MRPL48: variants seen among roughly 807,000 people sequenced by gnomAD.
MRPL48 encodes the protein mitochondrial ribosomal protein L48.
In MRPL48, 16 loss-of-function variants were observed where a neutral mutation model predicts 32.9. That is an observed-to-expected ratio of 0.49 (90% CI 0.33 to 0.74). The LOEUF (loss-of-function observed/expected upper bound fraction) is 0.74. Ranked by LOEUF, MRPL48 falls within the 30% of genes least tolerant of loss-of-function variation. The probability of loss-of-function intolerance (pLI) is 0.02; values close to 1 mark genes in which losing one functional copy is unlikely to be tolerated. For synonymous variants in MRPL48, 94 were observed against 89.2 expected (o/e 1.05, Z -0.31); for missense variants, 206 against 245.3 (o/e 0.84, Z 1.07).
intron 1 of MRPL48, among the ~76,000 whole-genome samples, chr11:73,797,060 CA>C (rs901129389): frequency 6.6e-6 from 1 of 151,674 alleles, no homozygotes; most frequent in African/African-American, 2.4e-5. Context: ...GAGACTGTCT[CA>C]AAAAAAAGCA....
At position 73,787,990 on chromosome 11, in the gene MRPL48, A is replaced by G. The variant is rs763095770; in HGVS notation, c.19A>G (p.Lys7Glu). 6.3e-7 allele frequency: 1 copy of G among 1,589,632 alleles called. No homozygotes were observed. The highest frequency in any genetic ancestry group is 1.7e-5 in the Admixed American group (1 of 57,524). MSGTLE[K>E]VLCLRNNTIF... is the part of the protein sequence containing the mutation. ...GCAAAGGATGAGCGGAACCTTGGAA[A>G]AGGTAACGTAGATTCCACGCACGCG... Residue 7 changes from lysine to glutamate, a missense_variant and splice_region_variant, in exon 1 of 8, where the codon AAG (lysine) becomes GAG (glutamate). By Grantham distance (56) the Lys-to-Glu change is moderately conservative (BLOSUM62 1). Coordinates refer to ENST00000310614, the MANE Select transcript of MRPL48 (RefSeq NM_016055.6).
Position 73,819,911 on chromosome 11 carries a change from A to G in MRPL48, c.113-5797A>G, listed in dbSNP as rs115357433. Among the ~76,000 whole-genome samples the G allele has an allele frequency of 6.9e-3, 1,044 of 152,294 alleles. 10 individuals are homozygous for G. The highest frequency in any genetic ancestry group is 0.022 in the African/African-American group (903 of 41,556). Reference sequence around the variant, plus strand: ...GTTCCTGTCTCAAAACAAGCAAACAAACAATTGTGTGTGTGCAATAAATAA... The same window carrying G: ...GTTCCTGTCTCAAAACAAGCAAACAGACAATTGTGTGTGTGCAATAAATAA... On this transcript the variant is annotated intron_variant, in intron 3 of 7. Coordinates refer to ENST00000310614, the MANE Select transcript of MRPL48 (RefSeq NM_016055.6).
intron 1 of MRPL48, chr11:73,802,070 C>T (rs1368318504): frequency 6.6e-6 from 1 of 152,120 alleles, no homozygotes; most frequent in African/African-American, 2.4e-5. Flanking sequence ...TGCTTATATG[C>T]ATTTGTCTAG....
At chr11:73,826,777 T>TC (rs1175356315) in intron 4 of MRPL48, among the ~76,000 whole-genome samples, 3 of 148,202 alleles carry the variant, frequency 2.0e-5, no homozygotes, top group Non-Finnish European at 3.0e-5. Flanking sequence ...GTATTTTCTT[T>TC]TTTTTTTTTT....
intron 3 of MRPL48, among the ~76,000 whole-genome samples, chr11:73,819,217 A>G (rs959618727): frequency 6.6e-6 from 1 of 152,244 alleles, no homozygotes; most frequent in African/African-American, 2.4e-5. Context: ...CAGCTTCTTA[A>G]TTAAGCAGAT....
chr11:73,792,879 TATCTA>T (rs1947177671), intron 1 of MRPL48, among the ~76,000 whole-genome samples: 2 of 152,250 alleles, frequency 1.3e-5, no homozygotes, highest in East Asian at 1.9e-4. Flanking sequence ...TTTCATGTGT[TATCTA>T]ATTTAATCAT....
chr11:73,795,158 C>T (rs1275865143), intron 1 of MRPL48, among the ~76,000 whole-genome samples: 2 of 152,020 alleles, frequency 1.3e-5, no homozygotes, highest in Non-Finnish European at 2.9e-5. Context: ...TCAGCCAGTC[C>T]GCCCGCCTCG....
chr11:73,788,188 G>C (rs966973244), intron 1 of MRPL48, among the ~76,000 whole-genome samples, 196 bp downstream of exon 1: 9 of 152,052 alleles, frequency 5.9e-5, no homozygotes, highest in Admixed American at 2.0e-4. Context: ...CTTTCCACCC[G>C]GGGCGAACTC....
chr11:73,848,230 G>T lies in MRPL48; in HGVS notation c.371+3254G>T, dbSNP rs554566948. Among the ~76,000 whole-genome samples, 7 of 151,984 alleles carry T rather than the reference G, an allele frequency of 4.6e-5. No homozygotes were observed. The South Asian group carries it at 1.2e-3, about 27-fold the overall frequency. On this transcript the variant is annotated intron_variant, in intron 5 of 7. Transcript: ENST00000310614. ...TGTTTCCAGCACCATTTGTTGGAAA[G>T]ATTTTCTTTCTCCACTGAATTATCT...
intron 4 of MRPL48, chr11:73,842,309 T>C (rs2135048211): frequency 6.6e-6 from 1 of 152,300 alleles, no homozygotes. Flanking sequence ...CAAATAAGCA[T>C]GTATGTAATT....
chr11:73,846,664 CTTT>C (rs111867247), intron 5 of MRPL48, among the ~76,000 whole-genome samples: 1 of 144,116 alleles, frequency 6.9e-6, no homozygotes, highest in Non-Finnish European at 1.5e-5. Context: ...CACCTCCTTT[CTTT>C]TTTTTTTTTT....
intron 5 of MRPL48, among the ~76,000 whole-genome samples, chr11:73,857,427 C>T (rs1363823118): frequency 6.6e-6 from 1 of 151,246 alleles, no homozygotes; most frequent in African/African-American, 2.4e-5. Flanking sequence ...CCACTGCGCC[C>T]GACCGACTTT....
At chr11:73,825,944 C>T (rs1407883990) in intron 4 of MRPL48, 148 bp downstream of exon 4, 13 of 704,140 alleles carry the variant, frequency 1.8e-5, no homozygotes, top group Non-Finnish European at 2.9e-5. Context: ...TTGGAATTTC[C>T]AGACTGGAGA....
intron 3 of MRPL48, among the ~76,000 whole-genome samples, chr11:73,812,738 A>ATATATATATATATATT (rs112576224): frequency 1.5e-4 from 21 of 142,048 alleles, no homozygotes; most frequent in Admixed American, 4.3e-4. Flanking sequence ...ATATATATAT[A>ATATATATATATATATT]TATTTATTTA....
intron 5 of MRPL48, among the ~76,000 whole-genome samples, chr11:73,852,238 C>T (rs1055930577): frequency 3.3e-5 from 5 of 151,966 alleles, no homozygotes; most frequent in Admixed American, 6.6e-5. Flanking sequence ...GACAATTAGG[C>T]TGTTCACTGG....
At chr11:73,847,565 C>T (rs990470301) in intron 5 of MRPL48, among the ~76,000 whole-genome samples, 3 of 152,050 alleles carry the variant, frequency 2.0e-5, no homozygotes, top group African/African-American at 7.2e-5. Context: ...TTCAGCCTCC[C>T]GAGTAGCTGG....
At chr11:73,805,201 C>A in intron 2 of MRPL48, 122 bp downstream of exon 2, 2 of 724,710 alleles carry the variant, frequency 2.8e-6, no homozygotes, top group Non-Finnish European at 4.4e-6. Context: ...ATCTCCCCTG[C>A]CACCTTGCTC....
intron 4 of MRPL48, among the ~76,000 whole-genome samples, chr11:73,830,125 TC>T (rs1257719600): frequency 1.3e-5 from 2 of 152,198 alleles, no homozygotes; most frequent in African/African-American, 2.4e-5. Context: ...GGTAGAAGTC[TC>T]AGTTTTCTTC....
rs528467072 is a variant in MRPL48 at position 73,807,828 on chromosome 11, G to A, written c.75-485G>A. On this transcript the variant is annotated intron_variant, in intron 2 of 7. Coordinates refer to ENST00000310614, the MANE Select transcript of MRPL48 (RefSeq NM_016055.6). ...AATTTTTTGTATTTTTAGTAGAGAC[G>A]GGGTTTCGCCATATTGGGCAGGCTA... 1.9e-4 allele frequency among the ~76,000 whole-genome samples: 29 copies of A among 151,978 alleles called. No individual in the cohort carries two copies. The South Asian group carries it at 2.5e-3, about 13-fold the overall frequency.
Sources: gnomAD v4.1 joint callset for allele counts (sites outside exome capture counted in the v4.1 genomes callset) on GRCh38, gnomAD v4.1.1 for gene constraint, MANE v1.5 for transcripts, NCBI Gene and HGNC (gene_info 2026-07-23, HGNC 2026-07-21) for gene names.